DCHS2: variants seen among roughly 807,000 people sequenced by gnomAD.
DCHS2 encodes dachsous cadherin-related 2, also known as protocadherin-23.
A neutral mutation model predicts 182.4 loss-of-function variants in DCHS2; 142 were observed. The ratio of observed to expected loss-of-function variants is 0.78; its 90% confidence interval spans 0.68 to 0.89. The LOEUF is 0.89. Ranked by LOEUF, DCHS2 falls within the 40% of genes least tolerant of loss-of-function variation. The pLI is 0.00. For synonymous variants in DCHS2, 1,740 were observed against 1,663.3 expected (o/e 1.05, Z -1.12); for missense variants, 4,319 against 4,198.6 (o/e 1.03, Z -0.79).
chr4:154,361,205 A>T (rs1478590578), intron 3 of DCHS2, among the ~76,000 whole-genome samples: 1 of 152,216 alleles, frequency 6.6e-6, no homozygotes. Context: ...ATAAATGACC[A>T]GCACAAAAGC....
chr4:154,421,587 G>C (rs1733114059), intron 1 of DCHS2, among the ~76,000 whole-genome samples: 1 of 152,064 alleles, frequency 6.6e-6, no homozygotes, highest in Non-Finnish European at 1.5e-5. Context: ...TAGAGACAGG[G>C]TTTCTCTATG....
intron 3 of DCHS2, among the ~76,000 whole-genome samples, chr4:154,345,767 T>C (rs1015587448): frequency 6.6e-6 from 1 of 152,222 alleles, no homozygotes; most frequent in Non-Finnish European, 1.5e-5. Context: ...TCAGAAAAGG[T>C]GTTTGGTAAT....
Position 154,366,424 on chromosome 4 carries a change from T to G in DCHS2, c.2262A>C (p.Gln754His). The change falls in exon 3 of 20, where the codon CAA becomes CAC. Residue 754 changes from glutamine to histidine, a missense_variant. Gln to His is a conservative substitution (Grantham distance 24, BLOSUM62 0). Transcript: ENST00000357232. ...EAKDGGGLSA[Q>H]AFVRVDLEDV... ...CCTCCAGGTCCACACGAACAAAGGC[T>G]TGGGCACTTAGCCCACCCTGGTGGA... The G allele has an allele frequency of 6.2e-7, 1 of 1,613,408 alleles. No individual in the cohort carries two copies. The highest frequency in any genetic ancestry group is 8.5e-7 in the Non-Finnish European group (1 of 1,179,714).
chr4:154,454,282 C>T (rs1471744616), intron 1 of DCHS2, among the ~76,000 whole-genome samples: 2 of 152,094 alleles, frequency 1.3e-5, no homozygotes, highest in South Asian at 2.1e-4. Context: ...ATCTCTCTAT[C>T]ACCCAGGCTG....
At chr4:154,323,249 T>TTTTG (rs140019361) in intron 7 of DCHS2, 96 of 1,537,280 alleles carry the variant, frequency 6.2e-5, no homozygotes, top group African/African-American at 1.9e-4. Flanking sequence ...CAGGTCAGGA[T>TTTTG]TTTGTTTGTT....
chr4:154,258,753 A>G (rs1171364518), intron 15 of DCHS2, among the ~76,000 whole-genome samples: 1 of 152,138 alleles, frequency 6.6e-6, no homozygotes, highest in East Asian at 1.9e-4. Context: ...CTAGCATGCC[A>G]TGTAAACGCC....
intron 1 of DCHS2, among the ~76,000 whole-genome samples, chr4:154,437,247 C>A (rs190029810): frequency 6.6e-6 from 1 of 152,194 alleles, no homozygotes; most frequent in Non-Finnish European, 1.5e-5. Context: ...TAAGGAGACA[C>A]CTCCAAGTGA....
chr4:154,491,040 C>T lies in DCHS2; in HGVS notation c.316G>A (p.Asp106Asn), dbSNP rs1728813227. ...TCCAGCAGCGGGGAGTCATCGGAGTCCTCCGACAGAAAGAAGCCGCTCCCC... is the reference window on the plus strand; with the variant it reads ...TCCAGCAGCGGGGAGTCATCGGAGTTCTCCGACAGAAAGAAGCCGCTCCCC... Reference protein sequence around the residue: ...QEGSGFFLSEDSDDSPLLDDF... With the variant: ...QEGSGFFLSENSDDSPLLDDF... The change falls in exon 1 of 20, where the codon GAC (aspartate) becomes AAC (asparagine). Residue 106 changes from aspartate to asparagine, a missense_variant. Physicochemically the swap from Asp to Asn is conservative, Grantham distance 23. Transcript: ENST00000357232. 1 of 1,551,032 alleles carries T rather than the reference C, an allele frequency of 6.4e-7. No homozygotes were observed. Among genetic ancestry groups the T allele is most frequent in the South Asian group, 1.2e-5 (1 of 84,052 alleles).
At chr4:154,391,423 C>A (rs1319766293) in intron 1 of DCHS2, 5 of 1,331,280 alleles carry the variant, frequency 3.8e-6, no homozygotes, top group Non-Finnish European at 5.0e-6. Context: ...ATAAAGAAAG[C>A]GTTCAAAACT....
Position 154,298,790 on chromosome 4 carries a change from T to C in DCHS2, c.5606-82A>G, listed in dbSNP as rs1735078726. 106 of 1,470,120 alleles carry C rather than the reference T, an allele frequency of 7.2e-5. 2 individuals are homozygous for C. In the South Asian group the frequency reaches 1.5e-3, roughly 20 times the overall value. 91.1% of individuals were successfully genotyped at this position (1,470,120 alleles called of 1,614,324 possible). A position where few individuals can be genotyped will look rare whatever the true frequency, so the allele number is the denominator to read the frequency against. On this transcript the variant is annotated intron_variant, in intron 12 of 19. Coordinates refer to ENST00000357232, the MANE Select transcript of DCHS2 (RefSeq NM_001358235.2). ...TAGCACTATCTATGGTATTCATTTA[T>C]ACATTCATTAAAAATATATTTATTC...
Position 154,268,236 on chromosome 4 carries a change from C to CT in DCHS2, c.6577+1663_6577+1664insA, listed in dbSNP as rs199558561. ...GAACTTTCACCTTTCACTTTCCCCC[C>CT]CCCAAAAAAATAACGCTTTACCACT... On this transcript the variant is annotated intron_variant, in intron 14 of 19. Coordinates refer to ENST00000357232, the MANE Select transcript of DCHS2 (RefSeq NM_001358235.2). Among the ~76,000 whole-genome samples, 246 of 130,390 alleles carry CT rather than the reference C, an allele frequency of 1.9e-3. 2 individuals carry two copies. In the East Asian group the frequency reaches 0.047, roughly 25 times the overall value. 85.5% of individuals were successfully genotyped at this position (130,390 alleles called of 152,430 possible).
intron 13 of DCHS2, among the ~76,000 whole-genome samples, chr4:154,270,463 G>A (rs1456295809): frequency 6.6e-6 from 1 of 151,984 alleles, no homozygotes; most frequent in Non-Finnish European, 1.5e-5. Context: ...CACAAAGGCT[G>A]TGGGCTAGGA....
At chr4:154,436,650 A>G (rs1733789979) in intron 1 of DCHS2, among the ~76,000 whole-genome samples, 1 of 152,222 alleles carries the variant, frequency 6.6e-6, no homozygotes, top group African/African-American at 2.4e-5. Flanking sequence ...TTTGGCTCGT[A>G]TACATGAAGT....
At chr4:154,421,640 C>T (rs9790842) in intron 1 of DCHS2, among the ~76,000 whole-genome samples, 48,600 of 152,062 alleles carry the variant, frequency 0.32, 9,621 homozygotes, top group East Asian at 0.82. Context: ...AAAAATCCAC[C>T]ACCTTGGCCT....
intron 16 of DCHS2, among the ~76,000 whole-genome samples, chr4:154,244,812 T>C (rs1217530816): frequency 6.6e-6 from 1 of 152,208 alleles, no homozygotes; most frequent in Non-Finnish European, 1.5e-5. Context: ...AATAATTATA[T>C]GCTGAAAGTT....
chr4:154,336,881 G>A (rs1382845785), intron 3 of DCHS2, among the ~76,000 whole-genome samples: 1 of 152,066 alleles, frequency 6.6e-6, no homozygotes, highest in African/African-American at 2.4e-5. Context: ...CCTAAACATG[G>A]TCCAAGTTGA....
At position 154,234,855 on chromosome 4, in the gene DCHS2, C is replaced by G. The variant is rs757528078; in HGVS notation, c.9797G>C (p.Gly3266Ala). The change falls in exon 20 of 20, where the codon GGC becomes GCC. Residue 3266 changes from glycine to alanine, a missense_variant. Physicochemically the swap from Gly to Ala is moderately conservative, Grantham distance 60. Coordinates refer to ENST00000357232, the MANE Select transcript of DCHS2 (RefSeq NM_001358235.2). ...KLKDEHLHMP[G>A]IPKEKKSFVF... Reference sequence around the variant, plus strand: ...AAAAGATTTCTTCTCTTTTGGAATGCCAGGCATATGCAAATGTTCATCCTT... The same window carrying G: ...AAAAGATTTCTTCTCTTTTGGAATGGCAGGCATATGCAAATGTTCATCCTT... 2.0e-5 allele frequency: 32 copies of G among 1,613,920 alleles called. No individual in the cohort carries two copies. In the South Asian group the frequency reaches 3.5e-4, roughly 18 times the overall value.
At chr4:154,361,715 C>A (rs1300754709) in intron 3 of DCHS2, among the ~76,000 whole-genome samples, 1 of 151,946 alleles carries the variant, frequency 6.6e-6, no homozygotes, top group Non-Finnish European at 1.5e-5. Flanking sequence ...GGAAGATAAA[C>A]CCACAAGAGA....
chr4:154,323,246 G>A (rs1736146906), intron 7 of DCHS2: 1 of 1,478,232 alleles, frequency 6.8e-7, no homozygotes, highest in African/African-American at 1.5e-5. Flanking sequence ...ATTCAGGTCA[G>A]GATTTTGTTT....
Sources: gnomAD v4.1 joint callset for allele counts (sites outside exome capture counted in the v4.1 genomes callset) on GRCh38, gnomAD v4.1.1 for gene constraint, MANE v1.5 for transcripts, NCBI Gene and HGNC (gene_info 2026-07-23, HGNC 2026-07-21) for gene names.